MCTP2: variants seen among roughly 807,000 people sequenced by gnomAD.
MCTP2 encodes multiple C2 and transmembrane domain-containing protein 2.
A neutral mutation model predicts 111.6 loss-of-function variants in MCTP2; 132 were observed. The ratio of observed to expected loss-of-function variants is 1.18; its 90% CI spans 1.03 to 1.37. MCTP2 has a LOEUF of 1.37. Ranked by LOEUF, MCTP2 falls within the 40% of genes most tolerant of loss-of-function variation. The pLI is 0.00. For missense variants in MCTP2, 1,183 were observed against 1,067.9 expected (o/e 1.11, Z -1.50); for synonymous variants, 395 against 387.7 (o/e 1.02, Z -0.22).
rs561937485 is a variant in MCTP2 at position 94,245,053 on chromosome 15, C to G, written c.-66+13389C>G. Among the ~76,000 whole-genome samples the G allele has an allele frequency of 1.0e-3, 152 of 149,432 alleles. 1 individual carries two copies. Among genetic ancestry groups the G allele is most frequent in the African/African-American group, 3.6e-3 (148 of 40,972 alleles). ...ATGTTTATATACGTATATGTATACA[C>G]ATACATATGTACCTGTTTACGTATA... On this transcript the variant is annotated intron_variant, in intron 1 of 22. Transcript: ENST00000357742.
rs576066046 is a variant in MCTP2 at position 94,374,102 on chromosome 15, T to G, written c.1582+3922T>G. On this transcript the variant is annotated intron_variant, in intron 12 of 22. Coordinates refer to ENST00000357742, the MANE Select transcript of MCTP2 (RefSeq NM_001385001.1). ...TGAGAAATGGACAGTATAGCAGGTT[T>G]CATACCTACAGTAGAGGCCCAGACA... Among the ~76,000 whole-genome samples, 14 of 152,334 alleles carry G rather than the reference T, an allele frequency of 9.2e-5. No homozygotes were observed. The East Asian group carries it at 2.5e-3, about 27-fold the overall frequency.
At chr15:94,251,504 G>A (rs924740629) in intron 1 of MCTP2, among the ~76,000 whole-genome samples, 3 of 151,692 alleles carry the variant, frequency 2.0e-5, no homozygotes, top group Admixed American at 6.6e-5. Context: ...GATTACAGGT[G>A]CCCGCCACCA....
intron 17 of MCTP2, among the ~76,000 whole-genome samples, chr15:94,424,780 T>A (rs2082798149): frequency 6.6e-6 from 1 of 152,114 alleles, no homozygotes; most frequent in African/African-American, 2.4e-5. Context: ...TTTGGTGAGG[T>A]CTTAATTTGC....
At chr15:94,342,392 G>C (rs981064194) in intron 7 of MCTP2, 2 of 151,994 alleles carry the variant, frequency 1.3e-5, no homozygotes, top group Non-Finnish European at 2.9e-5. Flanking sequence ...TGTTTTCAGG[G>C]CTCAAGAATA....
At chr15:94,288,374 C>T (rs1438850238) in intron 1 of MCTP2, among the ~76,000 whole-genome samples, 2 of 152,148 alleles carry the variant, frequency 1.3e-5, no homozygotes, top group African/African-American at 4.8e-5. Context: ...TATTAGCGTA[C>T]CAATGACTTT....
rs566728533 is a variant in MCTP2 at position 94,426,629 on chromosome 15, C to G, written c.2086-13547C>G. ...ATTATAATTATTTTAAAATCCATAT[C>G]TTATGACTGTAATATCTAAATCACC... is the stretch of plus-strand genomic sequence containing the variant. On this transcript the variant is annotated intron_variant, in intron 17 of 22. Coordinates refer to ENST00000357742, the MANE Select transcript of MCTP2 (RefSeq NM_001385001.1). 2.8e-4 allele frequency among the ~76,000 whole-genome samples: 43 copies of G among 152,212 alleles called. 1 individual carries two copies. The South Asian group carries it at 8.7e-3, about 31-fold the overall frequency.
At chr15:94,456,351 G>A (rs1335602975) in intron 19 of MCTP2, among the ~76,000 whole-genome samples, 1 of 152,170 alleles carries the variant, frequency 6.6e-6, no homozygotes, top group East Asian at 1.9e-4. Flanking sequence ...GTTGAAATAG[G>A]AAGTTTTTAT....
At chr15:94,242,584 A>T (rs2071054830) in intron 1 of MCTP2, among the ~76,000 whole-genome samples, 1 of 152,032 alleles carries the variant, frequency 6.6e-6, no homozygotes. Context: ...ATTAAAAGAA[A>T]CAAGAGGCAC....
intron 14 of MCTP2, among the ~76,000 whole-genome samples, chr15:94,386,927 C>A (rs1038780798): frequency 2.0e-5 from 3 of 152,132 alleles, no homozygotes; most frequent in African/African-American, 7.2e-5. Flanking sequence ...TTCCCCAAAC[C>A]CTTACCCGAT....
intron 7 of MCTP2, chr15:94,342,829 G>A (rs1468716674): frequency 6.7e-6 from 1 of 150,082 alleles, no homozygotes; most frequent in African/African-American, 2.4e-5. Context: ...AGTTGGGTTT[G>A]TAAAGGTAGT....
At chr15:94,461,925 G>A (rs2085238339) in intron 20 of MCTP2, among the ~76,000 whole-genome samples, 2 of 152,160 alleles carry the variant, frequency 1.3e-5, no homozygotes, top group Non-Finnish European at 2.9e-5. Flanking sequence ...TGTCAAAAGG[G>A]ACAAAGGAAG....
chr15:94,411,741 C>G (rs926716699), intron 17 of MCTP2, among the ~76,000 whole-genome samples: 1 of 152,018 alleles, frequency 6.6e-6, no homozygotes, highest in Non-Finnish European at 1.5e-5. Flanking sequence ...TCATCCCCAT[C>G]TCACGTATAC....
chr15:94,419,752 G>A (rs960279754), intron 17 of MCTP2, among the ~76,000 whole-genome samples: 1 of 134,540 alleles, frequency 7.4e-6, no homozygotes, highest in African/African-American at 2.8e-5. Context: ...TGCACATACT[G>A]CTTATTTTTT....
At chr15:94,274,723 T>G (rs2074094926) in intron 1 of MCTP2, among the ~76,000 whole-genome samples, 1 of 152,154 alleles carries the variant, frequency 6.6e-6, no homozygotes, top group Admixed American at 6.5e-5. Flanking sequence ...TTAAATTTAT[T>G]ATTAAAAATC....
chr15:94,247,882 CATTT>C (rs760799120), intron 1 of MCTP2, among the ~76,000 whole-genome samples: 14 of 152,278 alleles, frequency 9.2e-5, no homozygotes, highest in South Asian at 2.1e-4. Flanking sequence ...TGAATTCATT[CATTT>C]GTTTGTTCCA....
At chr15:94,349,346 T>C (rs1212380676) in intron 8 of MCTP2, among the ~76,000 whole-genome samples, 1 of 152,162 alleles carries the variant, frequency 6.6e-6, no homozygotes, top group Non-Finnish European at 1.5e-5. Context: ...TTGACTCAGT[T>C]TGCCCCAAAA....
chr15:94,328,326 C>T (rs182855354), intron 4 of MCTP2, among the ~76,000 whole-genome samples: 2,684 of 152,036 alleles, frequency 0.018, 70 homozygotes, highest in African/African-American at 0.06. Context: ...GACGGGGTTT[C>T]ACTGTGTTAG....
At chr15:94,252,872 T>C (rs2072530802) in intron 1 of MCTP2, among the ~76,000 whole-genome samples, 1 of 152,198 alleles carries the variant, frequency 6.6e-6, no homozygotes, top group Non-Finnish European at 1.5e-5. Flanking sequence ...TTTCTACTTA[T>C]TTATAAATTT....
At chr15:94,462,903 G>T (rs149248613) in intron 20 of MCTP2, among the ~76,000 whole-genome samples, 1 of 152,164 alleles carries the variant, frequency 6.6e-6, no homozygotes, top group Non-Finnish European at 1.5e-5. Flanking sequence ...TAACTATTAT[G>T]AGTATTATTT....
Sources: gnomAD v4.1 joint callset for allele counts (sites outside exome capture counted in the v4.1 genomes callset) on GRCh38, gnomAD v4.1.1 for gene constraint, MANE v1.5 for transcripts, NCBI Gene and HGNC (gene_info 2026-07-23, HGNC 2026-07-21) for gene names.